TGFBR2: variants seen among roughly 807,000 people sequenced by gnomAD.
TGFBR2 encodes the protein transforming growth factor beta receptor 2, also known as TGF-beta receptor type-2.
In TGFBR2, 18 loss-of-function variants were observed where a neutral mutation model predicts 49.0. The observed-to-expected ratio is 0.37, with a 90% CI of 0.25 to 0.54. The LOEUF is 0.54. TGFBR2 is among the 20% of genes least tolerant of loss of function. The pLI is 0.85. For missense variants in TGFBR2, 525 were observed against 722.6 expected, an observed-to-expected ratio of 0.73 and a Z score of 3.13; for synonymous variants, 282 against 275.9, an observed-to-expected ratio of 1.02 and a Z score of -0.22.
chr3:30,617,268 G>T (rs1223435011), intron 1 of TGFBR2, among the ~76,000 whole-genome samples: 1 of 152,172 alleles, frequency 6.6e-6, no homozygotes, highest in African/African-American at 2.4e-5. Flanking sequence ...TGTAGAGTTT[G>T]CAGACACTTG....
Position 30,671,630 on chromosome 3 carries a change from CCCATCAGAATATAACA to C in TGFBR2, c.455-4_466del. ...ACTCCTTCTCTCCTTGTTTTGTTTC[CCCATCAGAATATAACA>C]CCAGCAATCCTGACTTGTTGCTAGT... On this transcript the variant is annotated splice_acceptor_variant and splice_polypyrimidine_tract_variant and coding_sequence_variant and intron_variant, in exon 4 of 7. Transcript: ENST00000295754. LOFTEE classifies it high-confidence loss of function. 1 of 1,614,156 alleles carries C rather than the reference CCCATCAGAATATAACA, an allele frequency of 6.2e-7. No individual in the cohort carries two copies.
intron 1 of TGFBR2, among the ~76,000 whole-genome samples, chr3:30,634,952 G>A (rs1044105365): frequency 6.6e-6 from 1 of 152,040 alleles, no homozygotes; most frequent in Non-Finnish European, 1.5e-5. Flanking sequence ...GTTCTTCTCA[G>A]CCCCAAACCC....
At chr3:30,673,061 C>T (rs917399194) in intron 4 of TGFBR2, among the ~76,000 whole-genome samples, 6 of 152,196 alleles carry the variant, frequency 3.9e-5, no homozygotes, top group Non-Finnish European at 7.3e-5. Flanking sequence ...ATGATGAGCC[C>T]AGTGTTTTCA....
intron 3 of TGFBR2, among the ~76,000 whole-genome samples, chr3:30,651,916 C>A (rs1162838297): frequency 6.6e-6 from 1 of 152,108 alleles, no homozygotes; most frequent in Non-Finnish European, 1.5e-5. Context: ...ATTAAAAAAT[C>A]TTTTTGAAAT....
rs192166091 is a variant in TGFBR2 at position 30,627,417 on chromosome 3, G to A, written c.95-17330G>A. Among the ~76,000 whole-genome samples the A allele has an allele frequency of 2.6e-5, 4 of 151,998 alleles. No individual in the cohort carries two copies. In the East Asian group the frequency reaches 7.9e-4, roughly 30 times the overall value. ...TTATTACATCTAATGCCATTTTAAT[G>A]TACTTGAAACTGGGGAGATGAGGGC... On this transcript the variant is annotated intron_variant, in intron 1 of 6. Transcript: ENST00000295754.
rs375226321 is a variant in TGFBR2, at chr3:30,691,521, G to A, written c.1626G>A (p.Glu542=). The A allele has an allele frequency of 6.2e-7, 1 of 1,614,044 alleles. No individual in the cohort carries two copies. The highest frequency in any genetic ancestry group is 8.5e-7 in the Non-Finnish European group (1 of 1,180,022). ...QCVAERFSEL[E]HLDRLSGRSC... ...TGGCAGAACGCTTCAGTGAGCTGGAGCATCTGGACAGGCTCTCGGGGAGGA... is the reference window on the plus strand; with the variant it reads ...TGGCAGAACGCTTCAGTGAGCTGGAACATCTGGACAGGCTCTCGGGGAGGA... Residue 542 remains glutamate (E), a synonymous_variant, in exon 7 of 7, where the codon GAG becomes GAA. Transcript: ENST00000295754.
At chr3:30,662,621 T>A (rs1042317572) in intron 3 of TGFBR2, among the ~76,000 whole-genome samples, 2 of 152,244 alleles carry the variant, frequency 1.3e-5, no homozygotes, top group African/African-American at 4.8e-5. Context: ...ACTGTCCTTT[T>A]GTTGTTTAAT....
intron 2 of TGFBR2, 75 bp from the exon 3 acceptor site, chr3:30,650,195 G>A (rs1233467073): frequency 2.1e-6 from 3 of 1,450,538 alleles, no homozygotes; most frequent in Non-Finnish European, 2.9e-6. Context: ...CTTTCTGTCT[G>A]GAGGCCATAT....
intron 1 of TGFBR2, among the ~76,000 whole-genome samples, chr3:30,624,228 A>ATAT (rs752698510): frequency 4.6e-5 from 7 of 152,168 alleles, no homozygotes; most frequent in Non-Finnish European, 8.8e-5. Flanking sequence ...CAGACATCTA[A>ATAT]TATTTAGTCA....
At chr3:30,659,975 A>G (rs1699088827) in intron 3 of TGFBR2, among the ~76,000 whole-genome samples, 1 of 152,138 alleles carries the variant, frequency 6.6e-6, no homozygotes, top group Non-Finnish European at 1.5e-5. Context: ...ATTCACCACC[A>G]TTTGGACATC....
chr3:30,660,668 A>G (rs1433236698), intron 3 of TGFBR2, among the ~76,000 whole-genome samples: 3 of 152,224 alleles, frequency 2.0e-5, no homozygotes, highest in Non-Finnish European at 4.4e-5. Context: ...GAATAGCAAG[A>G]CACTTTAAGA....
At chr3:30,609,826 G>A (rs951120563) in intron 1 of TGFBR2, among the ~76,000 whole-genome samples, 1 of 151,914 alleles carries the variant, frequency 6.6e-6, no homozygotes, top group Non-Finnish European at 1.5e-5. Flanking sequence ...CTTTTTTTCC[G>A]CCTCATAAAA....
At chr3:30,658,945 G>A (rs1462506851) in intron 3 of TGFBR2, among the ~76,000 whole-genome samples, 2 of 152,230 alleles carry the variant, frequency 1.3e-5, no homozygotes, top group South Asian at 2.1e-4. Flanking sequence ...GTTGACTTCC[G>A]TTGTTTTCCG....
intron 1 of TGFBR2, chr3:30,626,830 A>G (rs1698340595): frequency 6.6e-6 from 1 of 152,228 alleles, no homozygotes; most frequent in South Asian, 2.1e-4. Context: ...AATCCACCTG[A>G]TAGATCTGGT....
At position 30,644,744 on chromosome 3, in the gene TGFBR2, C is replaced by G. The variant is rs375330013; in HGVS notation, c.95-3C>G. On this transcript the variant is annotated splice_polypyrimidine_tract_variant and splice_region_variant and intron_variant, in intron 1 of 6. Transcript: ENST00000295754. ...CATTTAATATATCTTTCTCTCTCCT[C>G]AGTTAATAACGACATGATAGTCACT... The G allele has an allele frequency of 1.2e-6, 2 of 1,613,956 alleles. No homozygotes were observed. Among genetic ancestry groups the G allele is most frequent in the Non-Finnish European group, 1.7e-6 (2 of 1,179,874 alleles).
intron 2 of TGFBR2, among the ~76,000 whole-genome samples, chr3:30,645,804 C>T (rs527905564): frequency 6.0e-5 from 9 of 149,482 alleles, no homozygotes; most frequent in Admixed American, 6.0e-4. Context: ...ATATTTTTAT[C>T]GGATCACATT....
intron 1 of TGFBR2, among the ~76,000 whole-genome samples, chr3:30,613,712 A>G (rs1698076081): frequency 6.6e-6 from 1 of 152,314 alleles, no homozygotes; most frequent in African/African-American, 2.4e-5. Flanking sequence ...GACTATGAAC[A>G]TTGTAGGAGT....
chr3:30,638,825 G>A (rs1698590182), intron 1 of TGFBR2, among the ~76,000 whole-genome samples: 1 of 152,146 alleles, frequency 6.6e-6, no homozygotes, highest in African/African-American at 2.4e-5. Flanking sequence ...GGAAGTGTGT[G>A]ACTAGCCAAT....
chr3:30,653,503 C>A (rs932702707), intron 3 of TGFBR2, among the ~76,000 whole-genome samples: 1 of 152,062 alleles, frequency 6.6e-6, no homozygotes. Context: ...CCACCTGCCT[C>A]AGCCTCCCAA....
Sources: allele counts gnomAD v4.1 joint callset (sites outside exome capture counted in the v4.1 genomes callset), GRCh38; gene constraint gnomAD v4.1.1; transcripts MANE v1.5; gene names NCBI Gene and HGNC (gene_info 2026-07-23, HGNC 2026-07-21).